The following TRIM37 variants were observed in gnomAD, a reference collection of about 807,000 sequenced individuals.
TRIM37 encodes the protein E3 ubiquitin-protein ligase TRIM37.
A neutral mutation model predicts 129.8 loss-of-function variants in TRIM37; 80 were observed. The observed-to-expected ratio is 0.62, with a 90% confidence interval of 0.51 to 0.74. The LOEUF (loss-of-function observed/expected upper bound fraction) is 0.74. Among genes scored for constraint, TRIM37 ranks in the 30% least tolerant of loss-of-function variants. The probability of loss-of-function intolerance (pLI) is 0.00; values close to 1 mark genes in which losing one functional copy is unlikely to be tolerated. For missense variants in TRIM37, 1,054 were observed against 1,176.5 expected, an observed-to-expected ratio of 0.90 and a Z score of 1.52; for synonymous variants, 389 against 387.1, an observed-to-expected ratio of 1.00 and a Z score of -0.06.
At chr17:59,041,922 T>C (rs2039206171) in intron 16 of TRIM37, 24 bp from the exon 17 acceptor site, 2 of 1,549,056 alleles carry the variant, frequency 1.3e-6, no homozygotes, top group African/African-American at 1.4e-5. Flanking sequence ...AAATCCATCA[T>C]TTATATAGAG....
chr17:59,077,237 G>A (rs911672079), intron 7 of TRIM37, among the ~76,000 whole-genome samples: 1 of 151,266 alleles, frequency 6.6e-6, no homozygotes, highest in Non-Finnish European at 1.5e-5. Context: ...TGGGACTACA[G>A]GAACACACTA....
At chr17:59,075,741 ACTTGGG>A in intron 7 of TRIM37, 27 bp from the exon 8 acceptor site, 1 of 1,508,416 alleles carries the variant, frequency 6.6e-7, no homozygotes, top group South Asian at 1.1e-5. Flanking sequence ...AATCATCAAC[ACTTGGG>A]TTCATTATTG....
rs763371961 is a variant in TRIM37, at chr17:59,088,279, T to C, written c.281+12A>G. 41 of 1,541,336 alleles carry C rather than the reference T, an allele frequency of 2.7e-5. No homozygotes were observed. The highest frequency in any genetic ancestry group is 3.4e-5 in the Non-Finnish European group (38 of 1,114,366). ...ATCCATTCAATATTGAACAAAGAAATTGAGGACATACTTGTCCTTTTCATT... is the reference window on the plus strand; with the variant it reads ...ATCCATTCAATATTGAACAAAGAAACTGAGGACATACTTGTCCTTTTCATT... On this transcript the variant is annotated intron_variant, in intron 4 of 23. Transcript: ENST00000262294.
chr17:59,021,699 A>G (rs1327978759), intron 19 of TRIM37, among the ~76,000 whole-genome samples: 1 of 152,156 alleles, frequency 6.6e-6, no homozygotes, highest in Non-Finnish European at 1.5e-5. Flanking sequence ...AAGATCTAGT[A>G]TTCGTTAGTA....
chr17:58,984,238 C>T (rs1775444548), intron 24 of TRIM37: 1 of 152,604 alleles, frequency 6.6e-6, no homozygotes, highest in African/African-American at 2.4e-5. Flanking sequence ...ATTTTGACCA[C>T]ATTTATAGTG....
At chr17:59,006,709 C>CA (rs1354313936) in intron 22 of TRIM37, among the ~76,000 whole-genome samples, 1 of 151,908 alleles carries the variant, frequency 6.6e-6, no homozygotes, top group Non-Finnish European at 1.5e-5. Context: ...GCTAACATGG[C>CA]AAAACCCCGT....
At chr17:59,023,514 G>A (rs1049303666) in intron 19 of TRIM37, among the ~76,000 whole-genome samples, 3 of 152,028 alleles carry the variant, frequency 2.0e-5, no homozygotes, top group African/African-American at 7.2e-5. Context: ...AATTAGCCAG[G>A]CGTGGTGGCA....
At chr17:59,042,349 TG>T (rs2039263904) in intron 16 of TRIM37, among the ~76,000 whole-genome samples, 1 of 131,624 alleles carries the variant, frequency 7.6e-6, no homozygotes, top group African/African-American at 2.9e-5. Flanking sequence ...CACTCCAGCC[TG>T]GGCGACAGAG....
intron 3 of TRIM37, among the ~76,000 whole-genome samples, chr17:59,089,502 G>T (rs1280129123): frequency 6.6e-6 from 1 of 152,010 alleles, no homozygotes; most frequent in East Asian, 1.9e-4. Context: ...TTAGCTGGGC[G>T]TGGTGGCACG....
chr17:59,010,539 G>A (rs1255794470), intron 22 of TRIM37, among the ~76,000 whole-genome samples: 1 of 152,164 alleles, frequency 6.6e-6, no homozygotes, highest in Non-Finnish European at 1.5e-5. Flanking sequence ...TGTCGTCCAG[G>A]CTGGAGTGCA....
the TRIM37 span, among the ~76,000 whole-genome samples, chr17:58,974,633 T>G: frequency 1.2e-4 from 18 of 152,226 alleles, no homozygotes; most frequent in African/African-American, 4.3e-4. Flanking sequence ...ATGGGTGATA[T>G]GTACATTACA....
intron 17 of TRIM37, among the ~76,000 whole-genome samples, chr17:59,033,647 C>G (rs2038133743): frequency 6.6e-6 from 1 of 151,916 alleles, no homozygotes; most frequent in South Asian, 2.1e-4. Flanking sequence ...ATCTCCTAAC[C>G]TAGTGATCCG....
At chr17:58,986,873 C>CTT (rs1329056232) in intron 24 of TRIM37, among the ~76,000 whole-genome samples, 1 of 152,178 alleles carries the variant, frequency 6.6e-6, no homozygotes, top group Non-Finnish European at 1.5e-5. Flanking sequence ...AGGGAACCTC[C>CTT]TTTTGCTTGG....
At chr17:59,101,920 C>T (rs1050020664) in intron 2 of TRIM37, among the ~76,000 whole-genome samples, 1 of 149,482 alleles carries the variant, frequency 6.7e-6, no homozygotes, top group Non-Finnish European at 1.5e-5. Flanking sequence ...GCCTGGGCAA[C>T]AGAGCAAGAA....
intron 16 of TRIM37, among the ~76,000 whole-genome samples, chr17:59,045,844 G>A (rs1420071928): frequency 2.0e-5 from 3 of 151,394 alleles, no homozygotes; most frequent in South Asian, 2.1e-4. Flanking sequence ...GTGAAACCCC[G>A]TCTCCACTAA....
rs1391666735 is a variant in TRIM37, at chr17:59,028,603, G to C, written c.2069C>G (p.Thr690Ser). 8 of 1,614,080 alleles carry C rather than the reference G, an allele frequency of 5.0e-6. No individual in the cohort carries two copies. Among genetic ancestry groups the C allele is most frequent in the Middle Eastern group, 1.6e-4 (1 of 6,084 alleles). ...TTCTGAAAGTGTATTCTTTACATCA[G>C]TTTTCATACATCGAACTTCGGCCAT... ...TQMAEVRCMK[T>S]DVKNTLSEIK... Residue 690 changes from threonine to serine, a missense_variant, in exon 19 of 24, where the codon ACT becomes AGT. Around this residue, in one of 3 missense-constraint regions of TRIM37, gnomAD observed 752 missense variants for 870.8 expected, o/e 0.86. Transcript: ENST00000262294.
intron 20 of TRIM37, among the ~76,000 whole-genome samples, chr17:59,016,855 G>T (rs1478605260): frequency 6.6e-6 from 1 of 152,018 alleles, no homozygotes; most frequent in Non-Finnish European, 1.5e-5. Context: ...GCTGTATTTT[G>T]TTAAGGGTCT....
At chr17:58,968,066 T>G in the TRIM37 span, among the ~76,000 whole-genome samples, 2 of 152,160 alleles carry the variant, frequency 1.3e-5, no homozygotes, top group Non-Finnish European at 2.9e-5. Flanking sequence ...CCTCTCAAAG[T>G]GCTGGAATTA....
the TRIM37 span, among the ~76,000 whole-genome samples, chr17:58,973,344 G>A: frequency 3.3e-5 from 5 of 151,626 alleles, no homozygotes; most frequent in Non-Finnish European, 7.4e-5. Context: ...TTGAACCTGG[G>A]AAGCAGAGGT....
Sources: gnomAD v4.1 joint callset for allele counts (sites outside exome capture counted in the v4.1 genomes callset) on GRCh38, gnomAD v4.1.1 for gene constraint, gnomAD v4.1.1 regional missense constraint, MANE v1.5 for transcripts, NCBI Gene and HGNC (gene_info 2026-07-23, HGNC 2026-07-21) for gene names.